Variants in DPP6 observed in about 807,000 individuals in gnomAD.
DPP6 encodes the protein dipeptidyl peptidase like 6, also known as A-type potassium channel modulatory protein DPP6.
In DPP6, 69 loss-of-function variants were observed where a neutral mutation model predicts 122.6. That is an observed-to-expected ratio of 0.56 (90% CI 0.46 to 0.69). DPP6 has a LOEUF of 0.69. Among genes scored for constraint, DPP6 ranks in the 30% least tolerant of loss-of-function variants. The pLI is 0.00. For synonymous variants in DPP6, 418 were observed against 433.1 expected (o/e 0.97, Z 0.43); for missense variants, 928 against 1,116.9 (o/e 0.83, Z 2.41).
At chr7:154,573,043 T>G (rs765361768) in intron 5 of DPP6, among the ~76,000 whole-genome samples, 1 of 152,094 alleles carries the variant, frequency 6.6e-6, no homozygotes, top group Non-Finnish European at 1.5e-5. Flanking sequence ...ATGGTTCTGA[T>G]GTTTACTGCC....
chr7:154,663,216 C>T (rs1206685209), intron 6 of DPP6, among the ~76,000 whole-genome samples: 1 of 70,374 alleles, frequency 1.4e-5, no homozygotes, highest in African/African-American at 3.7e-5. Flanking sequence ...GGTGTATTGG[C>T]GCTTGTGTTC....
At chr7:154,562,716 G>C (rs1027632980) in intron 4 of DPP6, among the ~76,000 whole-genome samples, 1 of 152,014 alleles carries the variant, frequency 6.6e-6, no homozygotes, top group Non-Finnish European at 1.5e-5. Flanking sequence ...ATATCTACCA[G>C]AACAAATAAT....
At chr7:154,229,174 A>C (rs1277794445) in intron 1 of DPP6, among the ~76,000 whole-genome samples, 1 of 152,134 alleles carries the variant, frequency 6.6e-6, no homozygotes, top group Non-Finnish European at 1.5e-5. Context: ...GAGCATCCCA[A>C]AAAACTTGCT....
At chr7:153,764,998 G>A in the DPP6 span, among the ~76,000 whole-genome samples, 1 of 152,028 alleles carries the variant, frequency 6.6e-6, no homozygotes, top group Non-Finnish European at 1.5e-5. Context: ...TTCTCCTTTG[G>A]CTTGTGCTGA....
intron 1 of DPP6, among the ~76,000 whole-genome samples, chr7:154,018,733 G>T (rs1798549321): frequency 6.6e-6 from 1 of 152,262 alleles, no homozygotes; most frequent in Non-Finnish European, 1.5e-5. Flanking sequence ...TTAAAAGCAA[G>T]GCTGAGCACA....
At chr7:154,861,175 T>G (rs939356677) in intron 17 of DPP6, among the ~76,000 whole-genome samples, 6 of 152,134 alleles carry the variant, frequency 3.9e-5, no homozygotes, top group Non-Finnish European at 8.8e-5. Context: ...GAGGGGACCT[T>G]GCCAAGTCAT....
intron 1 of DPP6, among the ~76,000 whole-genome samples, chr7:154,194,410 A>G (rs545918822): frequency 3.9e-5 from 6 of 152,342 alleles, no homozygotes; most frequent in African/African-American, 1.4e-4. Flanking sequence ...AACAAATTGC[A>G]CATATTTTAA....
At chr7:153,761,002 G>C in the DPP6 span, among the ~76,000 whole-genome samples, 1 of 152,096 alleles carries the variant, frequency 6.6e-6, no homozygotes, top group Admixed American at 6.6e-5. Context: ...GTTTAGCTCA[G>C]AGTCTCCTGG....
intron 1 of DPP6, among the ~76,000 whole-genome samples, chr7:154,229,089 C>G (rs984763764): frequency 6.6e-6 from 1 of 152,082 alleles, no homozygotes; most frequent in Non-Finnish European, 1.5e-5. Flanking sequence ...TTTTTTTCTG[C>G]TAAAGCTTTG....
intron 3 of DPP6, among the ~76,000 whole-genome samples, chr7:154,485,930 C>T: frequency 6.6e-6 from 1 of 151,590 alleles, no homozygotes; most frequent in East Asian, 1.9e-4. Flanking sequence ...TCTCCTAATG[C>T]TATCCCTCCC....
At chr7:153,899,814 A>C (rs924710277) in intron 1 of DPP6, among the ~76,000 whole-genome samples, 6 of 152,180 alleles carry the variant, frequency 3.9e-5, no homozygotes. Flanking sequence ...GCAGGTGTGT[A>C]CTCACATGCG....
chr7:154,129,487 G>A (rs538492785), intron 1 of DPP6, among the ~76,000 whole-genome samples: 55 of 152,352 alleles, frequency 3.6e-4, no homozygotes, highest in East Asian at 1.2e-3. Context: ...CATGGGCCAG[G>A]CACGGTGGCA....
the DPP6 span, among the ~76,000 whole-genome samples, chr7:153,879,154 G>A: frequency 6.6e-6 from 1 of 152,114 alleles, no homozygotes; most frequent in African/African-American, 2.4e-5. Context: ...GATATCTCTA[G>A]ATGAATGCAC....
chr7:154,405,636 G>A (rs989925940), intron 1 of DPP6, among the ~76,000 whole-genome samples: 1 of 152,048 alleles, frequency 6.6e-6, no homozygotes, highest in Non-Finnish European at 1.5e-5. Flanking sequence ...GGCTGAACAG[G>A]GCCAGGCAGT....
At chr7:154,191,520 C>T (rs141431190) in intron 1 of DPP6, among the ~76,000 whole-genome samples, 376 of 152,302 alleles carry the variant, frequency 2.5e-3, no homozygotes, top group Non-Finnish European at 4.4e-3. Context: ...TCCCTCTGTG[C>T]AGACCAGCCT....
At chr7:154,327,240 A>G (rs1240654122) in intron 1 of DPP6, among the ~76,000 whole-genome samples, 2 of 152,182 alleles carry the variant, frequency 1.3e-5, no homozygotes, top group Non-Finnish European at 1.5e-5. Flanking sequence ...AGTTATTAGA[A>G]TTATTAGGGT....
chr7:154,337,292 C>T (rs1409332406), intron 1 of DPP6, among the ~76,000 whole-genome samples: 2 of 152,182 alleles, frequency 1.3e-5, no homozygotes, highest in South Asian at 4.1e-4. Context: ...TACCCACACA[C>T]ATCTGCACAT....
At chr7:154,414,073 A>G (rs900145786) in intron 1 of DPP6, among the ~76,000 whole-genome samples, 1 of 152,228 alleles carries the variant, frequency 6.6e-6, no homozygotes, top group Non-Finnish European at 1.5e-5. Context: ...TCCACTTGAC[A>G]TCTTAGACTC....
intron 1 of DPP6, among the ~76,000 whole-genome samples, chr7:154,253,695 C>G (rs1802489261): frequency 6.6e-6 from 1 of 152,180 alleles, no homozygotes; most frequent in Non-Finnish European, 1.5e-5. Flanking sequence ...ATAATGTGCT[C>G]TCTAGAAAAA....
Sources: allele counts gnomAD v4.1 joint callset (sites outside exome capture counted in the v4.1 genomes callset), GRCh38; gene constraint gnomAD v4.1.1; transcripts MANE v1.5; gene names NCBI Gene and HGNC (gene_info 2026-07-23, HGNC 2026-07-21).